Variants in CEP162 observed in about 807,000 individuals in gnomAD.
CEP162 encodes centrosomal protein 162.
In CEP162, 141 loss-of-function variants were observed where a neutral mutation model predicts 169.2. The ratio of observed to expected loss-of-function variants is 0.83; its 90% confidence interval spans 0.73 to 0.96. CEP162 has a LOEUF of 0.96. CEP162 is among the 40% of genes least tolerant of loss of function. The probability of loss-of-function intolerance (pLI) is 0.00; values close to 1 mark genes in which losing one functional copy is unlikely to be tolerated. For synonymous variants in CEP162, 540 were observed against 526.4 expected, an observed-to-expected ratio of 1.03 and a Z score of -0.35; for missense variants, 1,600 against 1,587.2, an observed-to-expected ratio of 1.01 and a Z score of -0.14.
chr6:84,156,014 T>C (rs1374778613), intron 21 of CEP162, among the ~76,000 whole-genome samples: 1 of 152,058 alleles, frequency 6.6e-6, no homozygotes, highest in African/African-American at 2.4e-5. Flanking sequence ...AACAGCACAG[T>C]ACTGATAAAA....
chr6:84,183,403 T>C (rs2099535744), intron 13 of CEP162, among the ~76,000 whole-genome samples: 1 of 152,142 alleles, frequency 6.6e-6, no homozygotes, highest in South Asian at 2.1e-4. Flanking sequence ...CCATCTCAGA[T>C]ACTCATTCCC....
At chr6:84,130,037 C>G (rs1393409977) in intron 25 of CEP162, among the ~76,000 whole-genome samples, 3 of 152,184 alleles carry the variant, frequency 2.0e-5, no homozygotes, top group African/African-American at 7.2e-5. Flanking sequence ...TACGTTCCAT[C>G]AATACCTAGT....
intron 21 of CEP162, among the ~76,000 whole-genome samples, chr6:84,159,735 C>A (rs188615997): frequency 6.7e-6 from 1 of 150,210 alleles, no homozygotes; most frequent in Non-Finnish European, 1.5e-5. Flanking sequence ...CAGCTAAAAC[C>A]ATGCCTGGCT....
At chr6:84,160,207 T>C (rs571838019) in intron 21 of CEP162, among the ~76,000 whole-genome samples, 74 of 152,276 alleles carry the variant, frequency 4.9e-4, no homozygotes, top group African/African-American at 1.7e-3. Context: ...TTACAGTGTT[T>C]TAAAAACAGA....
chr6:84,163,649 CAGTT>C (rs2099526610), intron 18 of CEP162, among the ~76,000 whole-genome samples: 1 of 151,764 alleles, frequency 6.6e-6, no homozygotes, highest in African/African-American at 2.4e-5. Context: ...GCTGTACAGT[CAGTT>C]AATGTCATTC....
chr6:84,200,094 T>A (rs1192371657), intron 9 of CEP162, among the ~76,000 whole-genome samples: 5 of 151,422 alleles, frequency 3.3e-5, no homozygotes, highest in Admixed American at 6.6e-5. Flanking sequence ...ACTAAAAAAA[T>A]ACAAAAAAAT....
chr6:84,184,056 T>C (rs925282434), intron 13 of CEP162, among the ~76,000 whole-genome samples: 3 of 152,260 alleles, frequency 2.0e-5, no homozygotes, highest in African/African-American at 7.2e-5. Context: ...TCTCCCTTCC[T>C]ATCTGCCTCC....
At chr6:84,194,805 T>C in intron 10 of CEP162, 79 bp downstream of exon 10, 1 of 1,123,006 alleles carries the variant, frequency 8.9e-7, no homozygotes, top group South Asian at 1.4e-5. Context: ...CTACAGCAAA[T>C]TGTATTTTAA....
In CEP162 at chr6:84,125,216, T is replaced by C; in HGVS notation, c.4066A>G (p.Lys1356Glu). 1 of 1,613,676 alleles carries C rather than the reference T, an allele frequency of 6.2e-7. No individual in the cohort carries two copies. Among genetic ancestry groups the C allele is most frequent in the South Asian group, 1.1e-5 (1 of 91,070 alleles). Residue 1356 changes from lysine (K) to glutamate (E), a missense_variant, in exon 27 of 27, where the codon AAA becomes GAA. Lys to Glu is a moderately conservative substitution (Grantham distance 56). Coordinates refer to ENST00000403245, the MANE Select transcript of CEP162 (RefSeq NM_014895.4). ...TEQNKEVEKW[K>E]RLAQLKNREL... Reference sequence around the variant, plus strand: ...CGATTCTTTAACTGTGCCAGTCTTTTCCATTTTTCAACTTCTTTGTTTTGC... The same window carrying C: ...CGATTCTTTAACTGTGCCAGTCTTTCCCATTTTTCAACTTCTTTGTTTTGC...
intron 6 of CEP162, 85 bp from the exon 7 acceptor site, chr6:84,204,181 AG>A: frequency 1.3e-6 from 1 of 747,226 alleles, no homozygotes; most frequent in Non-Finnish European, 2.2e-6. Flanking sequence ...TTCGAAAGGA[AG>A]AAGTCTGTAT....
chr6:84,192,968 T>C (rs544326776), intron 11 of CEP162, among the ~76,000 whole-genome samples: 1 of 152,252 alleles, frequency 6.6e-6, no homozygotes, highest in Non-Finnish European at 1.5e-5. Flanking sequence ...TACCAGTAAA[T>C]TGAGTTAATC....
intron 4 of CEP162, 139 bp from the exon 5 acceptor site, chr6:84,215,604 A>C (rs1424875955): frequency 1.7e-6 from 2 of 1,148,970 alleles, no homozygotes; most frequent in African/African-American, 3.1e-5. Flanking sequence ...ATATGAATTC[A>C]TATTAATAAT....
intron 24 of CEP162, among the ~76,000 whole-genome samples, chr6:84,148,364 A>G (rs2129199465): frequency 6.6e-6 from 1 of 152,184 alleles, no homozygotes; most frequent in East Asian, 1.9e-4. Context: ...CCCCATCTCT[A>G]CCAAAAATAT....
chr6:84,160,955 A>T (rs982186527), intron 20 of CEP162, 39 bp from the exon 21 acceptor site: 2 of 1,340,846 alleles, frequency 1.5e-6, no homozygotes, highest in African/African-American at 2.9e-5. Context: ...AGCATATGTA[A>T]ACATAACAGA....
In CEP162 at chr6:84,221,088, C is replaced by G; in HGVS notation, c.141G>C (p.Trp47Cys). 1 of 1,597,696 alleles carries G rather than the reference C, an allele frequency of 6.3e-7. No individual in the cohort carries two copies. The highest frequency in any genetic ancestry group is 8.6e-7 in the Non-Finnish European group (1 of 1,165,926). The change falls in exon 3 of 27, where the codon TGG (tryptophan) becomes TGC (cysteine). Residue 47 changes from tryptophan (W) to cysteine (C), a missense_variant. Coordinates refer to ENST00000403245, the MANE Select transcript of CEP162 (RefSeq NM_014895.4). Reference protein sequence around the residue: ...KEMKKKDTVPWWITEDDFKDD... With the variant: ...KEMKKKDTVPCWITEDDFKDD... ...CTTTAAAATCATCTTCAGTTATCCA[C>G]CAAGGCACTGTATCTTTCTTCTTCA...
At chr6:84,215,991 A>G in intron 3 of CEP162, 69 bp from the exon 4 acceptor site, 1 of 1,438,022 alleles carries the variant, frequency 7.0e-7, no homozygotes, top group Non-Finnish European at 9.1e-7. Flanking sequence ...ATGACAACAC[A>G]ATAATAATGT....
chr6:84,217,224 A>G (rs971195740), intron 3 of CEP162, among the ~76,000 whole-genome samples: 1 of 152,218 alleles, frequency 6.6e-6, no homozygotes, highest in African/African-American at 2.4e-5. Flanking sequence ...GAGGCAGGCA[A>G]TAAGTAAAAT....
rs541588219 is a variant in CEP162 at position 84,136,033 on chromosome 6, G to A, written c.3871-9521C>T. Among the ~76,000 whole-genome samples the A allele has an allele frequency of 7.2e-5, 11 of 152,330 alleles. No individual in the cohort carries two copies. In the South Asian group the frequency reaches 2.1e-3, roughly 29 times the overall value. On this transcript the variant is annotated intron_variant, in intron 25 of 26. Transcript: ENST00000403245. The stretch of plus-strand genomic sequence containing the variant: ...TTTAGATTCTAATTAGGTTAGCACT[G>A]AAGGAGATCCTGGGCACTGTGTCTT...
At position 84,161,925 on chromosome 6, in the gene CEP162, A is replaced by C; in HGVS notation, c.2513-16T>G. ...AATTTCTCACCTATAAGATACAGTAACTCAATAACCTGCTTGTTGTTCTCC... is the reference window on the plus strand; with the variant it reads ...AATTTCTCACCTATAAGATACAGTACCTCAATAACCTGCTTGTTGTTCTCC... On this transcript the variant is annotated splice_polypyrimidine_tract_variant and intron_variant, in intron 19 of 26. Transcript: ENST00000403245. 1 of 1,433,666 alleles carries C rather than the reference A, an allele frequency of 7.0e-7. No homozygotes were observed. Among genetic ancestry groups the C allele is most frequent in the Non-Finnish European group, 9.6e-7 (1 of 1,046,210 alleles). 88.8% of individuals were successfully genotyped at this position (1,433,666 alleles called of 1,614,324 possible).
Sources: allele counts gnomAD v4.1 joint callset (sites outside exome capture counted in the v4.1 genomes callset), GRCh38; gene constraint gnomAD v4.1.1; transcripts MANE v1.5; gene names NCBI Gene and HGNC (gene_info 2026-07-23, HGNC 2026-07-21).